The following NUDCD3 variants were observed in gnomAD, a reference collection of about 807,000 sequenced individuals.
The protein encoded by NUDCD3 is NudC domain containing 3.
A neutral mutation model predicts 39.7 loss-of-function variants in NUDCD3; 13 were observed. The ratio of observed to expected loss-of-function variants is 0.33; its 90% CI spans 0.21 to 0.52. NUDCD3 has a LOEUF of 0.52. Ranked by LOEUF, NUDCD3 falls within the 20% of genes least tolerant of loss-of-function variation. NUDCD3 has a pLI of 0.96. For missense variants in NUDCD3, 453 were observed against 458.1 expected (o/e 0.99, Z 0.10); for synonymous variants, 175 against 172.4 (o/e 1.02, Z -0.12).
In NUDCD3 at chr7:44,481,256, A is replaced by C. The variant is rs528966868; in HGVS notation, c.509+3712T>G. On this transcript the variant is annotated intron_variant, in intron 2 of 5. Transcript: ENST00000355451. The stretch of plus-strand genomic sequence containing the variant: ...CCTGCAGATACCAAGGGATAAGTGT[A>C]TTTATTAAGAGAGTTACTGCAAGAA... 3.3e-5 allele frequency: 5 copies of C among 152,350 alleles called. No individual in the cohort carries two copies. In the East Asian group the frequency reaches 9.6e-4, roughly 29 times the overall value. 9.4% of individuals were successfully genotyped at this position (152,350 alleles called of 1,614,324 possible). A position where few individuals can be genotyped will look rare whatever the true frequency, so the allele number is the denominator to read the frequency against.
At chr7:44,425,509 C>G (rs1186018183) in intron 3 of NUDCD3, among the ~76,000 whole-genome samples, 1 of 152,092 alleles carries the variant, frequency 6.6e-6, no homozygotes, top group Non-Finnish European at 1.5e-5. Context: ...CTATTTACAA[C>G]AACCTATGAT....
At chr7:44,414,494 T>TATGAC (rs1798984647) in intron 3 of NUDCD3, among the ~76,000 whole-genome samples, 3 of 152,192 alleles carry the variant, frequency 2.0e-5, no homozygotes, top group African/African-American at 7.2e-5. Context: ...GACACAGCAA[T>TATGAC]ACATGTTCAT....
chr7:44,475,030 A>G (rs1800335058), intron 2 of NUDCD3, among the ~76,000 whole-genome samples: 1 of 152,182 alleles, frequency 6.6e-6, no homozygotes, highest in African/African-American at 2.4e-5. Flanking sequence ...CTCAGTGCAT[A>G]CTATGCAGCA....
At chr7:44,470,469 C>A (rs1484711975) in intron 2 of NUDCD3, among the ~76,000 whole-genome samples, 1 of 152,170 alleles carries the variant, frequency 6.6e-6, no homozygotes, top group Non-Finnish European at 1.5e-5. Context: ...GGTTTAAGGT[C>A]CCCCCAATGT....
At chr7:44,424,621 T>A (rs1375124923) in intron 3 of NUDCD3, among the ~76,000 whole-genome samples, 1 of 152,160 alleles carries the variant, frequency 6.6e-6, no homozygotes, top group African/African-American at 2.4e-5. Flanking sequence ...TGGCGATCAT[T>A]AAAAAGTCAG....
At chr7:44,417,265 G>A (rs1368262319) in intron 3 of NUDCD3, among the ~76,000 whole-genome samples, 1 of 152,194 alleles carries the variant, frequency 6.6e-6, no homozygotes, top group African/African-American at 2.4e-5. Flanking sequence ...TGAGAGAGGT[G>A]TAAATCTGAA....
chr7:44,454,028 G>T (rs1382438673), intron 2 of NUDCD3, among the ~76,000 whole-genome samples: 2 of 151,786 alleles, frequency 1.3e-5, no homozygotes, highest in Non-Finnish European at 2.9e-5. Context: ...GGGCGACAGA[G>T]CAAGGCCTTG....
chr7:44,433,628 T>C (rs1192436426), intron 2 of NUDCD3, among the ~76,000 whole-genome samples: 3 of 152,142 alleles, frequency 2.0e-5, no homozygotes, highest in Non-Finnish European at 4.4e-5. Context: ...GTACGTGCCA[T>C]GGGTATGAGG....
rs139259963 is a variant in NUDCD3, at chr7:44,479,538, T to C, written c.509+5430A>G. ...CATTATTTTTAATCTTGTTTCTTTC[T>C]TTCCCAGCACTTACACTGAATTTAT... On this transcript the variant is annotated intron_variant, in intron 2 of 5. Coordinates refer to ENST00000355451, the MANE Select transcript of NUDCD3 (RefSeq NM_015332.4). Among the ~76,000 whole-genome samples, 1,034 of 152,332 alleles carry C rather than the reference T, an allele frequency of 6.8e-3. 11 individuals carry two copies. Among genetic ancestry groups the C allele is most frequent in the African/African-American group, 0.024 (977 of 41,572 alleles).
intron 2 of NUDCD3, among the ~76,000 whole-genome samples, chr7:44,462,067 A>C (rs578060612): frequency 6.6e-6 from 1 of 152,338 alleles, no homozygotes; most frequent in East Asian, 1.9e-4. Flanking sequence ...CAGTCCACAA[A>C]TATAGCACAT....
At chr7:44,400,902 C>A (rs1798709801) in intron 4 of NUDCD3, among the ~76,000 whole-genome samples, 1 of 152,210 alleles carries the variant, frequency 6.6e-6, no homozygotes, top group South Asian at 2.1e-4. Context: ...AGACCCTTTT[C>A]CCAAATAAGG....
chr7:44,454,475 C>T (rs1340078347), intron 2 of NUDCD3, among the ~76,000 whole-genome samples: 1 of 152,246 alleles, frequency 6.6e-6, no homozygotes, highest in Non-Finnish European at 1.5e-5. Flanking sequence ...GAATTAAAAT[C>T]CTTTCATCTG....
At chr7:44,453,365 A>G (rs1305129010) in intron 2 of NUDCD3, among the ~76,000 whole-genome samples, 1 of 151,518 alleles carries the variant, frequency 6.6e-6, no homozygotes, top group Non-Finnish European at 1.5e-5. Context: ...AAAAATAAAT[A>G]AATAAATAAA....
intron 4 of NUDCD3, among the ~76,000 whole-genome samples, 190 bp downstream of exon 4, chr7:44,404,250 G>T (rs1053541962): frequency 1.3e-5 from 2 of 152,028 alleles, no homozygotes; most frequent in African/African-American, 4.8e-5. Context: ...GACCTCAAAG[G>T]GCCAAAGCTC....
intron 4 of NUDCD3, among the ~76,000 whole-genome samples, chr7:44,392,957 C>G (rs1798548001): frequency 6.6e-6 from 1 of 152,170 alleles, no homozygotes; most frequent in Non-Finnish European, 1.5e-5. Flanking sequence ...CCAGTGATCT[C>G]TCTTGCTTCC....
intron 3 of NUDCD3, 136 bp downstream of exon 3, chr7:44,427,435 G>A (rs1799257304): frequency 5.3e-6 from 5 of 936,446 alleles, no homozygotes; most frequent in South Asian, 1.7e-5. Flanking sequence ...AGCTCATTCC[G>A]AGGGCAGGAG....
chr7:44,445,595 C>T (rs1048599941), intron 2 of NUDCD3, among the ~76,000 whole-genome samples: 5 of 152,104 alleles, frequency 3.3e-5, no homozygotes, highest in Non-Finnish European at 5.9e-5. Context: ...GGTCTTTTTC[C>T]TGTTTGTTTT....
intron 4 of NUDCD3, chr7:44,402,807 T>A: frequency 2.4e-6 from 1 of 421,818 alleles, no homozygotes; most frequent in Non-Finnish European, 4.8e-6. Flanking sequence ...GATCACGGGC[T>A]CACTAGTGTA....
At chr7:44,469,308 G>C (rs543279249) in intron 2 of NUDCD3, among the ~76,000 whole-genome samples, 7 of 151,762 alleles carry the variant, frequency 4.6e-5, no homozygotes, top group African/African-American at 1.7e-4. Flanking sequence ...CAGCTCATGG[G>C]AATACTCATT....
Sources: gnomAD v4.1 joint callset for allele counts (sites outside exome capture counted in the v4.1 genomes callset) on GRCh38, gnomAD v4.1.1 for gene constraint, MANE v1.5 for transcripts, NCBI Gene and HGNC (gene_info 2026-07-23, HGNC 2026-07-21) for gene names.